Variants in NEBL observed in about 807,000 individuals in gnomAD.
NEBL encodes the protein nebulette, also known as LIM and SH3 protein 2.
In NEBL, 122 loss-of-function variants were observed where a neutral mutation model predicts 140.2. The ratio of observed to expected loss-of-function variants is 0.87; its 90% CI spans 0.75 to 1.01. The LOEUF (loss-of-function observed/expected upper bound fraction) is 1.01. NEBL is among the 50% of genes least tolerant of loss of function. The pLI is 0.00. For synonymous variants in NEBL, 436 were observed against 398.9 expected, an observed-to-expected ratio of 1.09 and a Z score of -1.11; for missense variants, 1,365 against 1,231.3, an observed-to-expected ratio of 1.11 and a Z score of -1.62.
intron 2 of NEBL, among the ~76,000 whole-genome samples, chr10:21,156,701 T>C (rs1207570764): frequency 6.6e-6 from 1 of 152,064 alleles, no homozygotes; most frequent in African/African-American, 2.4e-5. Context: ...CATTGCTTAA[T>C]AAAATAATAA....
At chr10:21,180,418 A>G (rs1012480772) in intron 3 of NEBL, among the ~76,000 whole-genome samples, 10 of 152,214 alleles carry the variant, frequency 6.6e-5, no homozygotes, top group Non-Finnish European at 1.3e-4. Context: ...ACCTTAAAAC[A>G]AAGTGGGTAA....
intron 3 of NEBL, among the ~76,000 whole-genome samples, chr10:21,232,233 A>G (rs1003445922): frequency 3.9e-5 from 6 of 152,106 alleles, no homozygotes; most frequent in Non-Finnish European, 8.8e-5. Context: ...AGACCATGCA[A>G]TTCTCTGCAA....
chr10:20,851,385 A>G (rs888306630), intron 10 of NEBL, among the ~76,000 whole-genome samples: 1 of 152,162 alleles, frequency 6.6e-6, no homozygotes, highest in East Asian at 1.9e-4. Flanking sequence ...GACACATTTT[A>G]AAATACCTAT....
At chr10:20,964,906 A>G (rs927245900) in intron 3 of NEBL, among the ~76,000 whole-genome samples, 4 of 152,218 alleles carry the variant, frequency 2.6e-5, no homozygotes, top group South Asian at 2.1e-4. Context: ...TCTTCCTTTT[A>G]CAATCAAAAG....
At chr10:21,287,449 T>C (rs1843072314) in intron 1 of NEBL, among the ~76,000 whole-genome samples, 1 of 152,108 alleles carries the variant, frequency 6.6e-6, no homozygotes, top group African/African-American at 2.4e-5. Flanking sequence ...GGCAAAAGAA[T>C]AGCCTAAGCC....
At chr10:21,012,439 A>C (rs1392716382) in intron 3 of NEBL, among the ~76,000 whole-genome samples, 1 of 152,186 alleles carries the variant, frequency 6.6e-6, no homozygotes, top group African/African-American at 2.4e-5. Flanking sequence ...AGCTCACTGC[A>C]TCCTTGAACC....
chr10:20,868,482 A>G, intron 7 of NEBL, 182 bp downstream of exon 7: 1 of 597,598 alleles, frequency 1.7e-6, no homozygotes, highest in Non-Finnish European at 3.0e-6. Context: ...TTAAAATTAG[A>G]CTTAATTTTT....
chr10:20,816,329 C>T (rs899032253), intron 21 of NEBL, among the ~76,000 whole-genome samples: 5 of 152,124 alleles, frequency 3.3e-5, no homozygotes, highest in Non-Finnish European at 7.4e-5. Context: ...AGGTATTCAC[C>T]GTAGACTGGT....
chr10:21,164,438 C>T (rs549158008), intron 2 of NEBL, among the ~76,000 whole-genome samples: 5 of 152,322 alleles, frequency 3.3e-5, no homozygotes, highest in East Asian at 1.9e-4. Context: ...AATGTCCTCT[C>T]GCACAGGCCC....
At chr10:20,905,695 C>T (rs1027539574) in intron 4 of NEBL, among the ~76,000 whole-genome samples, 2 of 152,082 alleles carry the variant, frequency 1.3e-5, no homozygotes, top group Admixed American at 6.5e-5. Context: ...GATGATAAGG[C>T]ATCCAAAGAG....
At chr10:20,942,651 T>C (rs9732008) in intron 4 of NEBL, among the ~76,000 whole-genome samples, 113,085 of 152,042 alleles carry the variant, frequency 0.74, 42,184 homozygotes, top group Admixed American at 0.83. Flanking sequence ...AGTGAACAGG[T>C]GACCTACAGA....
chr10:21,181,658 C>A (rs1358136191), intron 3 of NEBL, among the ~76,000 whole-genome samples: 1 of 152,214 alleles, frequency 6.6e-6, no homozygotes, highest in Non-Finnish European at 1.5e-5. Flanking sequence ...CCACGTGCTG[C>A]TTTTCACCCT....
At chr10:21,108,636 C>T (rs1837829407) in intron 2 of NEBL, among the ~76,000 whole-genome samples, 1 of 152,086 alleles carries the variant, frequency 6.6e-6, no homozygotes, top group African/African-American at 2.4e-5. Flanking sequence ...AATGTATATT[C>T]AATTGATTTG....
chr10:20,807,423 A>C (rs749693077), intron 26 of NEBL, among the ~76,000 whole-genome samples: 2 of 152,242 alleles, frequency 1.3e-5, no homozygotes, highest in Non-Finnish European at 2.9e-5. Context: ...TAAAACAACC[A>C]GTTTATAATG....
chr10:20,893,673 G>A (rs753209960), intron 2 of NEBL, among the ~76,000 whole-genome samples: 1 of 152,146 alleles, frequency 6.6e-6, no homozygotes, highest in Non-Finnish European at 1.5e-5. Flanking sequence ...AAAATTGTCT[G>A]ACAAGGGGAT....
intron 2 of NEBL, among the ~76,000 whole-genome samples, chr10:21,081,538 C>CAT (rs1836369694): frequency 6.6e-6 from 1 of 152,140 alleles, no homozygotes; most frequent in Non-Finnish European, 1.5e-5. Flanking sequence ...TTAACACACA[C>CAT]ATATAAACAC....
At chr10:21,169,480 G>C (rs1001182836) in intron 2 of NEBL, among the ~76,000 whole-genome samples, 1 of 152,108 alleles carries the variant, frequency 6.6e-6, no homozygotes, top group South Asian at 2.1e-4. Flanking sequence ...ACGTGAATTA[G>C]AGCCAATGAG....
At chr10:20,946,076 C>T (rs895862630) in intron 4 of NEBL, among the ~76,000 whole-genome samples, 1 of 152,106 alleles carries the variant, frequency 6.6e-6, no homozygotes, top group African/African-American at 2.4e-5. Flanking sequence ...TCCCTCTATT[C>T]GGGTATGTGG....
chr10:20,810,122 G>T (rs530077290), intron 24 of NEBL, among the ~76,000 whole-genome samples: 35 of 152,108 alleles, frequency 2.3e-4, no homozygotes, highest in Non-Finnish European at 4.0e-4. Context: ...TAATCAGATT[G>T]AAGTTGCCTG....
Sources: gnomAD v4.1 joint callset for allele counts (sites outside exome capture counted in the v4.1 genomes callset) on GRCh38, gnomAD v4.1.1 for gene constraint, MANE v1.5 for transcripts, NCBI Gene and HGNC (gene_info 2026-07-23, HGNC 2026-07-21) for gene names.